Variants in DNAJC3 observed in about 807,000 individuals in gnomAD.
The protein encoded by DNAJC3 is DnaJ heat shock protein family (Hsp40) member C3.
DNAJC3 carries 38 observed loss-of-function variants against 68.6 expected under a neutral mutation model. The ratio of observed to expected loss-of-function variants is 0.55; its 90% CI spans 0.43 to 0.73. The LOEUF is 0.73. DNAJC3 is among the 30% of genes least tolerant of loss of function. The pLI is 0.00. For missense variants in DNAJC3, 526 were observed against 591.9 expected, an observed-to-expected ratio of 0.89 and a Z score of 1.16; for synonymous variants, 203 against 204.0, an observed-to-expected ratio of 1.00 and a Z score of 0.04.
At chr13:95,767,511 G>A (rs771436408) in intron 9 of DNAJC3, among the ~76,000 whole-genome samples, 1 of 152,080 alleles carries the variant, frequency 6.6e-6, no homozygotes, top group African/African-American at 2.4e-5. Context: ...CTGAGATCCC[G>A]CTTTCAATTC....
chr13:95,748,377 TG>T, intron 4 of DNAJC3, among the ~76,000 whole-genome samples: 1 of 152,154 alleles, frequency 6.6e-6, no homozygotes, highest in Admixed American at 6.5e-5. Context: ...TGGTAGTCTG[TG>T]GATCTGTATC....
intron 2 of DNAJC3, among the ~76,000 whole-genome samples, 200 bp from the exon 3 acceptor site, chr13:95,723,042 C>G (rs1043916607): frequency 6.6e-6 from 1 of 151,846 alleles, no homozygotes; most frequent in African/African-American, 2.4e-5. Context: ...GTGGCTTGGG[C>G]TGTACTTTGC....
At chr13:95,725,438 AC>A (rs1417972026) in intron 4 of DNAJC3, among the ~76,000 whole-genome samples, 186 bp downstream of exon 4, 1 of 152,222 alleles carries the variant, frequency 6.6e-6, no homozygotes, top group Non-Finnish European at 1.5e-5. Flanking sequence ...TTGATGGCAG[AC>A]ATCAAAGAAT....
In DNAJC3 at chr13:95,794,333, A is replaced by ATT. The variant is rs1883895958; in HGVS notation, c.*3303_*3304insTT. 6.6e-6 allele frequency: 1 copy of ATT among 152,218 alleles called. No homozygotes were observed. The allele number at this position is 152,218 out of a possible 1,614,324, so 9.4% of individuals were successfully genotyped here. A position where few individuals can be genotyped will look rare whatever the true frequency, so the allele number is the denominator to read the frequency against. On this transcript the variant is annotated 3_prime_UTR_variant, in exon 12 of 12. Coordinates refer to ENST00000602402, the MANE Select transcript of DNAJC3 (RefSeq NM_006260.5). ...AGTTGTCTTTGACATTTACCATGAA[A>ATT]AAACTACATAAAATGGCTCCCTGGT...
At chr13:95,774,320 A>G (rs540394200) in intron 9 of DNAJC3, among the ~76,000 whole-genome samples, 1 of 152,148 alleles carries the variant, frequency 6.6e-6, no homozygotes, top group South Asian at 2.1e-4. Flanking sequence ...TAGGTGTTCT[A>G]ATTTTCAAAT....
rs977057404 is a variant in DNAJC3 at position 95,794,876 on chromosome 13, A to C, written c.*3846A>C. The C allele has an allele frequency of 2.0e-4, 29 of 147,556 alleles. No individual in the cohort carries two copies. The highest frequency in any genetic ancestry group is 1.1e-4 in the Non-Finnish European group (7 of 64,864). The allele number at this position is 147,556 out of a possible 1,614,324, so 9.1% of individuals were successfully genotyped here. A position where few individuals can be genotyped will look rare whatever the true frequency, so the allele number is the denominator to read the frequency against. On this transcript the variant is annotated 3_prime_UTR_variant, in exon 12 of 12. Coordinates refer to ENST00000602402, the MANE Select transcript of DNAJC3 (RefSeq NM_006260.5). Reference sequence around the variant, plus strand: ...ATCCATCTCAATGTAGTGTTTTAATAAAAAAGGAACCTAATATTTGAAATG... The same window carrying C: ...ATCCATCTCAATGTAGTGTTTTAATCAAAAAGGAACCTAATATTTGAAATG...
chr13:95,738,647 C>T (rs1161330482), intron 4 of DNAJC3, among the ~76,000 whole-genome samples: 1 of 152,078 alleles, frequency 6.6e-6, no homozygotes. Context: ...GATTGCAACC[C>T]CTGCCTTTTT....
At chr13:95,708,476 T>A (rs1880838821) in intron 1 of DNAJC3, among the ~76,000 whole-genome samples, 1 of 152,182 alleles carries the variant, frequency 6.6e-6, no homozygotes, top group African/African-American at 2.4e-5. Flanking sequence ...CAGGCCTTTC[T>A]CCTGTTTCTG....
intron 4 of DNAJC3, among the ~76,000 whole-genome samples, chr13:95,755,655 G>T (rs1882633301): frequency 6.7e-6 from 1 of 150,252 alleles, no homozygotes; most frequent in South Asian, 2.1e-4. Context: ...TACTCAGGAG[G>T]CTGAGGCAGG....
chr13:95,738,823 A>T (rs1409132964), intron 4 of DNAJC3, among the ~76,000 whole-genome samples: 1 of 151,708 alleles, frequency 6.6e-6, no homozygotes. Flanking sequence ...GTCCATTTAC[A>T]TTTAAAGTTA....
chr13:95,681,707 C>G (rs1167084008), intron 1 of DNAJC3, among the ~76,000 whole-genome samples: 1 of 152,198 alleles, frequency 6.6e-6, no homozygotes, highest in African/African-American at 2.4e-5. Context: ...ACATTAAATA[C>G]TGCTAACACT....
chr13:95,683,665 G>C (rs559131472), intron 1 of DNAJC3, among the ~76,000 whole-genome samples: 2 of 151,926 alleles, frequency 1.3e-5, no homozygotes, highest in Admixed American at 1.3e-4. Flanking sequence ...TGTGGCTCAC[G>C]CCTGTAATCC....
intron 4 of DNAJC3, among the ~76,000 whole-genome samples, chr13:95,725,678 TTTA>T (rs968457938): frequency 2.0e-5 from 3 of 151,934 alleles, no homozygotes; most frequent in Admixed American, 6.6e-5. Context: ...TCTCTTTTTT[TTTA>T]TTATTATTAT....
chr13:95,722,815 G>GCCC (rs759729876), intron 2 of DNAJC3, among the ~76,000 whole-genome samples: 2 of 15,330 alleles, frequency 1.3e-4, no homozygotes, highest in African/African-American at 7.9e-4. Flanking sequence ...CACCTTGTCC[G>GCCC]CCCCCCCCCC....
intron 4 of DNAJC3, among the ~76,000 whole-genome samples, chr13:95,727,729 A>G (rs1020733596): frequency 6.6e-6 from 1 of 152,192 alleles, no homozygotes; most frequent in Admixed American, 6.5e-5. Context: ...CTATCAATCT[A>G]TTCAGATTTC....
intron 9 of DNAJC3, among the ~76,000 whole-genome samples, chr13:95,765,399 G>A (rs569915132): frequency 7.1e-6 from 1 of 141,392 alleles, no homozygotes; most frequent in Admixed American, 7.0e-5. Context: ...AATATAAAGA[G>A]CTTAGCTGTT....
intron 2 of DNAJC3, among the ~76,000 whole-genome samples, chr13:95,715,735 C>G (rs534509222): frequency 2.6e-5 from 4 of 151,894 alleles, no homozygotes; most frequent in Non-Finnish European, 4.4e-5. Context: ...ATCCACCCCC[C>G]CTTGGCCTCC....
intron 4 of DNAJC3, among the ~76,000 whole-genome samples, chr13:95,752,754 G>T (rs981957172): frequency 3.3e-5 from 5 of 152,064 alleles, no homozygotes; most frequent in African/African-American, 1.2e-4. Flanking sequence ...CCCCTGAAAG[G>T]GCACTAAGGA....
chr13:95,757,958 A>C (rs1882714124), intron 5 of DNAJC3, among the ~76,000 whole-genome samples, 162 bp downstream of exon 5: 1 of 152,156 alleles, frequency 6.6e-6, no homozygotes, highest in African/African-American at 2.4e-5. Flanking sequence ...TAGACAACAA[A>C]ATTTGGACTG....
Sources: allele counts gnomAD v4.1 joint callset (sites outside exome capture counted in the v4.1 genomes callset), GRCh38; gene constraint gnomAD v4.1.1; transcripts MANE v1.5; gene names NCBI Gene and HGNC (gene_info 2026-07-23, HGNC 2026-07-21).